The following MYB variants were observed in gnomAD, a reference collection of about 807,000 sequenced individuals.
MYB encodes transcriptional activator Myb.
Under a neutral mutation model 92.9 loss-of-function variants are expected in MYB, and 28 were observed. The ratio of observed to expected loss-of-function variants is 0.30; its 90% CI spans 0.22 to 0.41. The LOEUF (loss-of-function observed/expected upper bound fraction) is 0.41. Among genes scored for constraint, MYB ranks in the 10% least tolerant of loss-of-function variants. The pLI, the probability that MYB is intolerant of heterozygous loss-of-function variation, is 1.00. For missense variants in MYB, 679 were observed against 929.3 expected (o/e 0.73, Z 3.50); for synonymous variants, 295 against 329.1 (o/e 0.90, Z 1.12).
intron 6 of MYB, among the ~76,000 whole-genome samples, chr6:135,192,909 A>C (rs1184512357): frequency 6.6e-6 from 1 of 152,228 alleles, no homozygotes; most frequent in Non-Finnish European, 1.5e-5. Flanking sequence ...AGGGGAATGG[A>C]GTCGCATTTG....
intron 15 of MYB, among the ~76,000 whole-genome samples, chr6:135,215,076 C>A (rs558390377): frequency 6.6e-6 from 1 of 152,292 alleles, no homozygotes; most frequent in East Asian, 1.9e-4. Flanking sequence ...GTGAACATTT[C>A]TATTCATAGA....
intron 2 of MYB, among the ~76,000 whole-genome samples, chr6:135,186,775 A>G (rs1314174710): frequency 1.3e-5 from 2 of 152,232 alleles, no homozygotes; most frequent in African/African-American, 4.8e-5. Context: ...TTTTGTAGGA[A>G]TGGAAAAATA....
Position 135,181,621 on chromosome 6 carries a change from C to A in MYB, c.23+85C>A, listed in dbSNP as rs1341396821. Reference sequence around the variant, plus strand: ...AGGCTCCCGGGAGCAGGTGGGAATTCGTTCCGGGATCATCTGAGGGGCTGT... The same window carrying A: ...AGGCTCCCGGGAGCAGGTGGGAATTAGTTCCGGGATCATCTGAGGGGCTGT... On this transcript the variant is annotated intron_variant, in intron 1 of 15. Transcript: ENST00000341911. This position sits in a 1 kb window ranked among gnomAD's most constrained non-coding sequence, Gnocchi z 5.3. The A allele has an allele frequency of 4.1e-6, 4 of 986,794 alleles. No homozygotes were observed. The highest frequency in any genetic ancestry group is 5.1e-6 in the Non-Finnish European group (4 of 786,770). The allele number at this position is 986,794 out of a possible 1,614,324, so 61.1% of individuals were successfully genotyped here.
chr6:135,191,734 T>C (rs1776651003), intron 5 of MYB, among the ~76,000 whole-genome samples: 1 of 152,242 alleles, frequency 6.6e-6, no homozygotes, highest in Admixed American at 6.5e-5. Context: ...TACTGGGGGT[T>C]AGGATCTTTC....
Position 135,197,305 on chromosome 6 carries a change from AC to A in MYB, c.1551del (p.Phe518SerfsTer7). On this transcript the variant is annotated frameshift_variant, in exon 10 of 16. Transcript: ENST00000341911. LOFTEE classifies it high-confidence loss of function. ...CCAAGCGTTCCCCTGTCAAAAGCCT[AC>A]CCTTCTCTCCCTCGCAGGTAGAACA... ...TPKRSPVKSL[P>X]FSPSQFLNTS... 6.2e-7 allele frequency: 1 copy of A among 1,611,654 alleles called. No individual in the cohort carries two copies. Among genetic ancestry groups the A allele is most frequent in the Non-Finnish European group, 8.5e-7 (1 of 1,178,546 alleles).
intron 13 of MYB, 51 bp from the exon 14 acceptor site, chr6:135,201,588 T>A (rs752073630): frequency 7.9e-7 from 1 of 1,266,340 alleles, no homozygotes; most frequent in South Asian, 1.2e-5. Flanking sequence ...TGACTGTACA[T>A]GTTTCATAGG....
At chr6:135,183,408 C>A (rs1775442826) in intron 1 of MYB, among the ~76,000 whole-genome samples, 1 of 152,164 alleles carries the variant, frequency 6.6e-6, no homozygotes, top group African/African-American at 2.4e-5. Context: ...CGTTTCTTTG[C>A]ACGGTTTGTT....
At chr6:135,184,322 C>CTTTTTTTTTTTTTTTTTTT in intron 1 of MYB, among the ~76,000 whole-genome samples, 5 of 68,402 alleles carry the variant, frequency 7.3e-5, no homozygotes, top group Admixed American at 1.5e-4. Flanking sequence ...GGCTTTATAG[C>CTTTTTTTTTTTTTTTTTTT]TTTTTTTTTT....
chr6:135,194,266 C>T (rs996541771), intron 7 of MYB, 90 bp from the exon 8 acceptor site: 24 of 958,812 alleles, frequency 2.5e-5, no homozygotes, highest in African/African-American at 9.8e-5. Flanking sequence ...TTGGGCTGTG[C>T]GGCACCTCAT....
chr6:135,192,012 C>T (rs1438417447), intron 5 of MYB, among the ~76,000 whole-genome samples: 5 of 152,114 alleles, frequency 3.3e-5, no homozygotes, highest in Admixed American at 1.3e-4. Flanking sequence ...AGTCTTGTAC[C>T]GCGACCGGTC....
chr6:135,192,616 A>T (rs1030457607), intron 6 of MYB, 58 bp downstream of exon 6: 9 of 1,506,932 alleles, frequency 6.0e-6, no homozygotes, highest in Non-Finnish European at 7.4e-6. Context: ...AGCTCCAGGT[A>T]ATAATCATAC....
chr6:135,207,183 C>A (rs1779061955), intron 15 of MYB, among the ~76,000 whole-genome samples: 1 of 152,046 alleles, frequency 6.6e-6, no homozygotes, highest in African/African-American at 2.4e-5. Context: ...TTTATATAAT[C>A]TATAATTTTT....
At position 135,199,004 on chromosome 6, in the gene MYB, C is replaced by A; in HGVS notation, c.1663C>A (p.Pro555Thr). The change falls in exon 11 of 16, where the codon CCA (proline) becomes ACA (threonine). Residue 555 changes from proline to threonine, a missense_variant. By Grantham distance (38) the Pro-to-Thr change is conservative (BLOSUM62 -1). This residue lies in a region of MYB where 402 missense variants were observed against 434.2 expected (regional missense o/e 0.93). Transcript: ENST00000341911. ...LIGHKLTVTT[P>T]FHRDQTVKTQ... ...TGGTCACAAATTGACTGTTACAACA[C>A]CATTTCATAGAGACCAGACTGTGAA... 6.2e-7 allele frequency: 1 copy of A among 1,612,172 alleles called. No individual in the cohort carries two copies. Among genetic ancestry groups the A allele is most frequent in the Non-Finnish European group, 8.5e-7 (1 of 1,178,708 alleles).
chr6:135,205,809 C>T (rs1480008720), intron 15 of MYB, among the ~76,000 whole-genome samples: 1 of 152,150 alleles, frequency 6.6e-6, no homozygotes, highest in African/African-American at 2.4e-5. Context: ...GTGGCTCATG[C>T]CTGTAATCAC....
chr6:135,203,266 A>G lies in MYB; in HGVS notation c.2111A>G (p.Asp704Gly), dbSNP rs770687886. The stretch of plus-strand genomic sequence containing the variant: ...ATGGCACCAGCATCAGAAGATGAAG[A>G]CAATGTTCTCAAAGCATTTACAGTA... ...VLMAPASEDE[D>G]NVLKAFTVPK... Residue 704 changes from aspartate to glycine, a missense_variant, in exon 15 of 16, where the codon GAC becomes GGC. Asp to Gly is a moderately conservative substitution (Grantham distance 94). Around this residue, in one of 8 missense-constraint regions of MYB, gnomAD observed 402 missense variants for 434.2 expected, o/e 0.93. Transcript: ENST00000341911. The G allele has an allele frequency of 6.2e-7, 1 of 1,612,268 alleles. No homozygotes were observed. The highest frequency in any genetic ancestry group is 8.5e-7 in the Non-Finnish European group (1 of 1,178,288).
Position 135,198,837 on chromosome 6 carries a change from T to A in MYB, c.1567-71T>A, listed in dbSNP as rs1009321333. ...GGAAAACATTCTTGTTATCTAGGTG[T>A]GATTTTTAAATTGGGGAGAATAAAG... On this transcript the variant is annotated intron_variant, in intron 10 of 15. Transcript: ENST00000341911. 3 of 1,280,280 alleles carry A rather than the reference T, an allele frequency of 2.3e-6. No individual in the cohort carries two copies. In the African/African-American group the frequency reaches 4.5e-5, roughly 19 times the overall value. 79.3% of individuals were successfully genotyped at this position (1,280,280 alleles called of 1,614,324 possible). A position where few individuals can be genotyped will look rare whatever the true frequency, so the allele number is the denominator to read the frequency against.
In MYB at chr6:135,207,775, C is replaced by A. The variant is rs1324553275; in HGVS notation, c.2169+4451C>A. Among the ~76,000 whole-genome samples the A allele has an allele frequency of 2.1e-5, 3 of 141,858 alleles. No individual in the cohort carries two copies. The East Asian group carries it at 6.2e-4, about 29-fold the overall frequency. 93.1% of individuals were successfully genotyped at this position (141,858 alleles called of 152,430 possible). A position where few individuals can be genotyped will look rare whatever the true frequency, so the allele number is the denominator to read the frequency against. ...TTTGAGATGAAATCTCATTCTGTTGCCCAGGCTGGGGTGCAGTGACGCAAT... is the reference window on the plus strand; with the variant it reads ...TTTGAGATGAAATCTCATTCTGTTGACCAGGCTGGGGTGCAGTGACGCAAT... On this transcript the variant is annotated intron_variant, in intron 15 of 15. Transcript: ENST00000341911.
chr6:135,187,784 A>G (rs1298263543), intron 2 of MYB, 50 bp from the exon 3 acceptor site: 1 of 1,299,874 alleles, frequency 7.7e-7, no homozygotes. Context: ...ACTTGAACAG[A>G]GTTATATAGT....
intron 1 of MYB, among the ~76,000 whole-genome samples, chr6:135,183,540 A>G (rs918546837): frequency 1.3e-5 from 2 of 152,210 alleles, no homozygotes; most frequent in Non-Finnish European, 2.9e-5. Flanking sequence ...GTTGGGTCTG[A>G]GATCTTGTCA....
Sources: gnomAD v4.1 joint callset for allele counts (sites outside exome capture counted in the v4.1 genomes callset) on GRCh38, gnomAD v4.1.1 for gene constraint, gnomAD v4.1.1 regional missense constraint, Gnocchi (gnomAD v3.1) non-coding constraint, MANE v1.5 for transcripts, NCBI Gene and HGNC (gene_info 2026-07-23, HGNC 2026-07-21) for gene names.